Variants in MARVELD2 observed in about 807,000 individuals in gnomAD.
MARVELD2 encodes the protein MARVEL domain containing 2, also known as MARVEL domain-containing protein 2.
Under a neutral mutation model 57.6 loss-of-function variants are expected in MARVELD2, and 49 were observed. The observed-to-expected ratio is 0.85, with a 90% confidence interval of 0.68 to 1.08. The LOEUF (loss-of-function observed/expected upper bound fraction) is 1.08. MARVELD2 is among the 50% of genes least tolerant of loss of function. The pLI, the probability that MARVELD2 is intolerant of heterozygous loss-of-function variation, is 0.00. For missense variants in MARVELD2, 606 were observed against 701.1 expected, an observed-to-expected ratio of 0.86 and a Z score of 1.53; for synonymous variants, 238 against 258.8, an observed-to-expected ratio of 0.92 and a Z score of 0.77.
chr5:69,437,494 C>A (rs1317951360), intron 5 of MARVELD2, among the ~76,000 whole-genome samples: 1 of 150,930 alleles, frequency 6.6e-6, no homozygotes, highest in Non-Finnish European at 1.5e-5. Context: ...ACCAGCCTGG[C>A]CAGCATAGTG....
At position 69,422,781 on chromosome 5, in the gene MARVELD2, G is replaced by A. The variant is rs572165044; in HGVS notation, c.1147-1820G>A. Among the ~76,000 whole-genome samples, 208 of 152,118 alleles carry A rather than the reference G, an allele frequency of 1.4e-3. 3 individuals carry two copies. The highest frequency in any genetic ancestry group is 0.014 in the Middle Eastern group (4 of 294). On this transcript the variant is annotated intron_variant, in intron 2 of 6. Coordinates refer to ENST00000325631, the MANE Select transcript of MARVELD2 (RefSeq NM_001038603.3). ...TGGTTTTACGGCTCGGGGGCATCAC[G>A]GAACCTGCCGACATGTGATGTCTCC...
At chr5:69,430,326 C>A (rs1766920165) in intron 3 of MARVELD2, among the ~76,000 whole-genome samples, 1 of 151,992 alleles carries the variant, frequency 6.6e-6, no homozygotes, top group Non-Finnish European at 1.5e-5. Flanking sequence ...GAGATCGTGC[C>A]ACTGCACTCC....
At chr5:69,428,973 G>A (rs538726692) in intron 3 of MARVELD2, among the ~76,000 whole-genome samples, 95 of 152,278 alleles carry the variant, frequency 6.2e-4, no homozygotes, top group African/African-American at 2.2e-3. Context: ...GAATTCATTA[G>A]GATGAAGAAA....
chr5:69,442,790 C>T lies in MARVELD2; in HGVS notation c.*1136C>T, dbSNP rs1767362225. On this transcript the variant is annotated 3_prime_UTR_variant, in exon 7 of 7. Transcript: ENST00000325631. ...TCTCTCCATCTCCCCATAGTCCAGCCTGCCCTGGACACATTGAATTGTATG... is the reference window on the plus strand; with the variant it reads ...TCTCTCCATCTCCCCATAGTCCAGCTTGCCCTGGACACATTGAATTGTATG... 6.6e-6 allele frequency: 1 copy of T among 151,454 alleles called. No individual in the cohort carries two copies. Among genetic ancestry groups the T allele is most frequent in the Non-Finnish European group, 1.5e-5 (1 of 67,988 alleles). 9.4% of individuals were successfully genotyped at this position (151,454 alleles called of 1,614,324 possible).
At chr5:69,439,067 A>G (rs1320205064) in intron 5 of MARVELD2, among the ~76,000 whole-genome samples, 1 of 149,756 alleles carries the variant, frequency 6.7e-6, no homozygotes, top group East Asian at 1.9e-4. Context: ...TGTCTCAAAA[A>G]AAAAAAAAAA....
chr5:69,432,649 AC>A lies in MARVELD2; in HGVS notation c.1307del (p.Pro436LeufsTer3). 1 of 1,614,010 alleles carries A rather than the reference AC, an allele frequency of 6.2e-7. No homozygotes were observed. Among genetic ancestry groups the A allele is most frequent in the Non-Finnish European group, 8.5e-7 (1 of 1,179,984 alleles). ...ACATCCCCCCAGGCCACATTCCTAA[AC>A]CTATCGTGATGCCCGACTATGTGGC... ...GHIPPGHIPK[P>X]IVMPDYVAKY... is the part of the protein sequence containing the mutation. On this transcript the variant is annotated frameshift_variant, in exon 4 of 7. Transcript: ENST00000325631. LOFTEE classifies it high-confidence loss of function.
chr5:69,420,713 TTGAC>T (rs1227840712), intron 2 of MARVELD2, among the ~76,000 whole-genome samples, 182 bp downstream of exon 2: 1 of 152,110 alleles, frequency 6.6e-6, no homozygotes, highest in Non-Finnish European at 1.5e-5. Flanking sequence ...CTGACATGCT[TTGAC>T]TGGGATAACC....
intron 5 of MARVELD2, among the ~76,000 whole-genome samples, chr5:69,437,151 T>C (rs1412119597): frequency 6.9e-6 from 1 of 145,574 alleles, no homozygotes; most frequent in Non-Finnish European, 1.5e-5. Context: ...ATCGTGCCAC[T>C]ACACTCCAGC....
chr5:69,437,189 A>T lies in MARVELD2; in HGVS notation c.1504-3261A>T, dbSNP rs1295233648. On this transcript the variant is annotated intron_variant, in intron 5 of 6. Transcript: ENST00000325631. The stretch of plus-strand genomic sequence containing the variant: ...GGGCGACAGAGCAAGACTTCATCTC[A>T]AAAAAAAAAAAAAAAGAAACCATCC... 1.2e-3 allele frequency among the ~76,000 whole-genome samples: 8 copies of T among 6,606 alleles called. No individual in the cohort carries two copies. The East Asian group carries it at 0.097, about 80-fold the overall frequency. The allele number at this position is 6,606 out of a possible 152,430, so 4.3% of individuals were successfully genotyped here.
Position 69,419,635 on chromosome 5 carries a change from G to C in MARVELD2, c.250G>C (p.Asp84His). ...CAAACCAGTAAGGCGCTTTGTCCCT[G>C]ACTCCTGGAAGAACTTTTTCAGAGG... ...DLKPVRRFVP[D>H]SWKNFFRGKK... The change falls in exon 2 of 7, where the codon GAC (aspartate) becomes CAC (histidine). Residue 84 changes from aspartate (D) to histidine (H), a missense_variant. Transcript: ENST00000325631. The C allele has an allele frequency of 6.2e-7, 1 of 1,614,186 alleles. No homozygotes were observed. Among genetic ancestry groups the C allele is most frequent in the Non-Finnish European group, 8.5e-7 (1 of 1,180,038 alleles).
At chr5:69,420,608 A>G (rs542524370) in intron 2 of MARVELD2, 77 bp downstream of exon 2, 42 of 1,370,864 alleles carry the variant, frequency 3.1e-5, no homozygotes, top group Non-Finnish European at 4.0e-5. Flanking sequence ...TAAAAAATGT[A>G]TAGCGCTCAA....
chr5:69,419,115 A>G, intron 1 of MARVELD2: 1 of 540,176 alleles, frequency 1.9e-6, no homozygotes, highest in Non-Finnish European at 3.3e-6. Flanking sequence ...TAGTAGAGAT[A>G]GTGTTTCACC....
intron 5 of MARVELD2, among the ~76,000 whole-genome samples, chr5:69,439,551 C>T (rs947005475): frequency 6.6e-6 from 1 of 151,356 alleles, no homozygotes; most frequent in Non-Finnish European, 1.5e-5. Context: ...GCCAGGAGTT[C>T]GAGACCAGCC....
At chr5:69,437,240 A>G (rs1767175370) in intron 5 of MARVELD2, among the ~76,000 whole-genome samples, 1 of 150,396 alleles carries the variant, frequency 6.6e-6, no homozygotes, top group Non-Finnish European at 1.5e-5. Context: ...AATTAGCCGC[A>G]CGTGGTGGTG....
At chr5:69,431,962 A>G (rs554254055) in intron 3 of MARVELD2, among the ~76,000 whole-genome samples, 1 of 149,614 alleles carries the variant, frequency 6.7e-6, no homozygotes, top group African/African-American at 2.5e-5. Context: ...TCAGCCTCCA[A>G]GCCTCCCAAG....
At chr5:69,422,478 C>T (rs1766659537) in intron 2 of MARVELD2, among the ~76,000 whole-genome samples, 1 of 152,130 alleles carries the variant, frequency 6.6e-6, no homozygotes, top group Non-Finnish European at 1.5e-5. Flanking sequence ...CTGTAGTGCT[C>T]CCAGGCTTAT....
chr5:69,437,113 C>T lies in MARVELD2; in HGVS notation c.1504-3337C>T, dbSNP rs1212701698. Among the ~76,000 whole-genome samples the T allele has an allele frequency of 4.0e-5, 6 of 151,146 alleles. No homozygotes were observed. The South Asian group carries it at 1.1e-3, about 26-fold the overall frequency. Reference sequence around the variant, plus strand: ...CAGAGACAAGAGAATTGCTTGAACCCGGGAGTCGGAGGTTGCAGTGAGCTG... The same window carrying T: ...CAGAGACAAGAGAATTGCTTGAACCTGGGAGTCGGAGGTTGCAGTGAGCTG... On this transcript the variant is annotated intron_variant, in intron 5 of 6. Coordinates refer to ENST00000325631, the MANE Select transcript of MARVELD2 (RefSeq NM_001038603.3).
intron 3 of MARVELD2, among the ~76,000 whole-genome samples, chr5:69,427,198 T>G (rs1428321635): frequency 6.6e-6 from 1 of 152,150 alleles, no homozygotes; most frequent in Non-Finnish European, 1.5e-5. Flanking sequence ...AGCAACAAAT[T>G]CTGAAGTCTG....
intron 2 of MARVELD2, among the ~76,000 whole-genome samples, chr5:69,423,938 T>A (rs1766706203): frequency 6.6e-6 from 1 of 152,238 alleles, no homozygotes; most frequent in South Asian, 2.1e-4. Context: ...ATTTCTTAAA[T>A]GTACATCTCT....
Sources: gnomAD v4.1 joint callset for allele counts (sites outside exome capture counted in the v4.1 genomes callset) on GRCh38, gnomAD v4.1.1 for gene constraint, MANE v1.5 for transcripts, NCBI Gene and HGNC (gene_info 2026-07-23, HGNC 2026-07-21) for gene names.